The following PCDH9 variants were observed in gnomAD, a reference collection of about 807,000 sequenced individuals.
PCDH9 encodes the protein protocadherin 9.
In PCDH9, 24 loss-of-function variants were observed where a neutral mutation model predicts 70.6. That is an observed-to-expected ratio of 0.34 (90% CI 0.25 to 0.48). The LOEUF is 0.48. PCDH9 is among the 20% of genes least tolerant of loss of function. The probability of loss-of-function intolerance (pLI) is 0.99; values close to 1 mark genes in which losing one functional copy is unlikely to be tolerated. For missense variants in PCDH9, 1,281 were observed against 1,503.6 expected, an observed-to-expected ratio of 0.85 and a Z score of 2.45; for synonymous variants, 562 against 558.5, an observed-to-expected ratio of 1.01 and a Z score of -0.09.
At chr13:66,791,614 T>G (rs1489186233) in intron 3 of PCDH9, among the ~76,000 whole-genome samples, 2 of 152,166 alleles carry the variant, frequency 1.3e-5, no homozygotes, top group African/African-American at 4.8e-5. Context: ...TAATGTATAA[T>G]AATGTATTAC....
In PCDH9 at chr13:66,979,155, A is replaced by T. The variant is rs59220721; in HGVS notation, c.3037-75550T>A. ...GTATCAGAGCAAAGAGGTGAAATCC[A>T]AGACAAAAATGAAACAAAAACCTTG... On this transcript the variant is annotated intron_variant, in intron 2 of 4. Transcript: ENST00000377865. Among the ~76,000 whole-genome samples the T allele has an allele frequency of 8.1e-3, 1,230 of 152,258 alleles. 24 individuals are homozygous for T. Among genetic ancestry groups the T allele is most frequent in the African/African-American group, 0.028 (1,182 of 41,574 alleles).
chr13:66,897,056 C>T (rs1013784685), intron 3 of PCDH9, among the ~76,000 whole-genome samples: 2 of 152,172 alleles, frequency 1.3e-5, no homozygotes, highest in African/African-American at 4.8e-5. Flanking sequence ...TGTTTTAGCA[C>T]TGCTTACACT....
intron 2 of PCDH9, among the ~76,000 whole-genome samples, chr13:67,139,523 T>A (rs2087320045): frequency 6.6e-6 from 1 of 152,246 alleles, no homozygotes; most frequent in Non-Finnish European, 1.5e-5. Flanking sequence ...TTACTTGTAA[T>A]CTGCTATTTC....
chr13:66,609,204 C>G (rs559729138), intron 4 of PCDH9, among the ~76,000 whole-genome samples: 99 of 152,124 alleles, frequency 6.5e-4, no homozygotes, highest in Non-Finnish European at 1.3e-3. Flanking sequence ...CCAGGAATGT[C>G]TATCTGCCTG....
chr13:66,711,820 G>A (rs1228087350), intron 3 of PCDH9, among the ~76,000 whole-genome samples: 1 of 152,102 alleles, frequency 6.6e-6, no homozygotes, highest in Non-Finnish European at 1.5e-5. Context: ...AACATCTGCT[G>A]CAACAGTTTT....
chr13:67,198,469 CA>C (rs2089130401), intron 2 of PCDH9, among the ~76,000 whole-genome samples: 1 of 151,868 alleles, frequency 6.6e-6, no homozygotes. Context: ...TTGGCATACA[CA>C]ACTTCTAATT....
At chr13:66,338,132 G>T (rs917686296) in intron 4 of PCDH9, among the ~76,000 whole-genome samples, 1 of 152,184 alleles carries the variant, frequency 6.6e-6, no homozygotes, top group East Asian at 1.9e-4. Flanking sequence ...TCTCAAAATT[G>T]CAAAGCTTCT....
At chr13:66,803,325 C>T (rs377122956) in intron 3 of PCDH9, among the ~76,000 whole-genome samples, 2 of 152,158 alleles carry the variant, frequency 1.3e-5, no homozygotes, top group African/African-American at 4.8e-5. Context: ...GCTACTGAGA[C>T]AGCCAGTAAA....
intron 4 of PCDH9, among the ~76,000 whole-genome samples, chr13:66,568,703 A>G (rs1331708167): frequency 1.3e-5 from 2 of 151,682 alleles, no homozygotes; most frequent in Non-Finnish European, 2.9e-5. Context: ...TTTGCAGGAG[A>G]GGGGATCAGG....
At chr13:66,929,956 T>G (rs1362099439) in intron 2 of PCDH9, among the ~76,000 whole-genome samples, 1 of 152,140 alleles carries the variant, frequency 6.6e-6, no homozygotes, top group African/African-American at 2.4e-5. Flanking sequence ...CAGGCTCATA[T>G]TCTCATACTA....
intron 3 of PCDH9, among the ~76,000 whole-genome samples, chr13:66,769,608 C>T (rs1051200428): frequency 2.0e-5 from 3 of 151,970 alleles, no homozygotes; most frequent in African/African-American, 7.3e-5. Flanking sequence ...CCACATGTAG[C>T]TGCTTTGCAA....
At chr13:66,894,288 C>G (rs2082141236) in intron 3 of PCDH9, among the ~76,000 whole-genome samples, 1 of 150,656 alleles carries the variant, frequency 6.6e-6, no homozygotes, top group African/African-American at 2.5e-5. Context: ...TCTGAACTAT[C>G]TAAAGAAAAA....
At chr13:66,365,876 CT>C (rs1956546095) in intron 4 of PCDH9, among the ~76,000 whole-genome samples, 1 of 152,014 alleles carries the variant, frequency 6.6e-6, no homozygotes, top group Non-Finnish European at 1.5e-5. Context: ...TTCTCTCTTC[CT>C]CTTTCACTCA....
intron 3 of PCDH9, among the ~76,000 whole-genome samples, chr13:66,790,037 G>A (rs545043006): frequency 7.2e-5 from 11 of 152,192 alleles, no homozygotes; most frequent in African/African-American, 2.2e-4. Context: ...AATGCTAAAC[G>A]TTTTTAAGGT....
intron 2 of PCDH9, among the ~76,000 whole-genome samples, chr13:67,121,025 G>A (rs913862879): frequency 1.5e-4 from 22 of 151,680 alleles, no homozygotes; most frequent in African/African-American, 5.1e-4. Flanking sequence ...AACTACTAAC[G>A]TCCTACTGTA....
chr13:67,154,009 A>T (rs748465470), intron 2 of PCDH9, among the ~76,000 whole-genome samples: 3 of 152,222 alleles, frequency 2.0e-5, no homozygotes, highest in Non-Finnish European at 4.4e-5. Flanking sequence ...AACTAACTTA[A>T]GGAGAATTGG....
At chr13:66,395,823 T>C (rs961210736) in intron 4 of PCDH9, among the ~76,000 whole-genome samples, 8 of 152,282 alleles carry the variant, frequency 5.3e-5, no homozygotes, top group Non-Finnish European at 8.8e-5. Context: ...AAAAATGCTC[T>C]TATAGTATCT....
intron 3 of PCDH9, among the ~76,000 whole-genome samples, chr13:66,649,769 C>T (rs1397773515): frequency 6.6e-6 from 1 of 151,714 alleles, no homozygotes; most frequent in African/African-American, 2.4e-5. Context: ...TTCAAGACAT[C>T]AATGGTACAA....
intron 4 of PCDH9, among the ~76,000 whole-genome samples, chr13:66,401,438 T>C (rs1957185547): frequency 1.3e-5 from 2 of 152,072 alleles, no homozygotes; most frequent in Admixed American, 1.3e-4. Flanking sequence ...ACCATGATTG[T>C]AAATTTCCTG....
Sources: allele counts gnomAD v4.1 joint callset (sites outside exome capture counted in the v4.1 genomes callset), GRCh38; gene constraint gnomAD v4.1.1; transcripts MANE v1.5; gene names NCBI Gene and HGNC (gene_info 2026-07-23, HGNC 2026-07-21).